Variants in SLC25A21 observed in about 807,000 individuals in gnomAD.
The protein encoded by SLC25A21 is mitochondrial 2-oxodicarboxylate carrier.
In SLC25A21, 47 loss-of-function variants were observed where a neutral mutation model predicts 43.8. The observed-to-expected ratio is 1.07, with a 90% confidence interval of 0.85 to 1.37. SLC25A21 has a LOEUF of 1.37. Among genes scored for constraint, SLC25A21 ranks in the 40% most tolerant of loss-of-function variants. The pLI is 0.00. For missense variants in SLC25A21, 352 were observed against 350.2 expected, an observed-to-expected ratio of 1.00 and a Z score of -0.04; for synonymous variants, 131 against 121.3, an observed-to-expected ratio of 1.08 and a Z score of -0.52.
At chr14:36,968,368 C>G (rs934555998) in intron 1 of SLC25A21, among the ~76,000 whole-genome samples, 1 of 152,142 alleles carries the variant, frequency 6.6e-6, no homozygotes. Flanking sequence ...TCAGTCATTC[C>G]TGACAAGCCC....
intron 1 of SLC25A21, among the ~76,000 whole-genome samples, chr14:36,881,822 T>C (rs991350270): frequency 7.9e-5 from 12 of 152,082 alleles, no homozygotes; most frequent in Non-Finnish European, 1.5e-4. Flanking sequence ...GTTTCAGCAA[T>C]AGGAGGAAGG....
At chr14:36,859,836 T>G (rs1890016354) in intron 2 of SLC25A21, among the ~76,000 whole-genome samples, 1 of 152,204 alleles carries the variant, frequency 6.6e-6, no homozygotes. Flanking sequence ...AAAACAGGCT[T>G]AGTGTGTTTG....
intron 3 of SLC25A21, among the ~76,000 whole-genome samples, chr14:36,804,137 T>C (rs1887958877): frequency 6.6e-6 from 1 of 152,142 alleles, no homozygotes. Context: ...CAAGATCAAT[T>C]TTTCTGGGGA....
intron 1 of SLC25A21, among the ~76,000 whole-genome samples, chr14:36,877,330 T>C (rs552483148): frequency 7.9e-4 from 121 of 152,324 alleles, no homozygotes; most frequent in African/African-American, 2.8e-3. Flanking sequence ...TATAAATCTG[T>C]TTACCTATTT....
Position 37,038,454 on chromosome 14 carries a change from A to G in SLC25A21, c.70+133827T>C, listed in dbSNP as rs547621673. 2.0e-5 allele frequency among the ~76,000 whole-genome samples: 3 copies of G among 152,350 alleles called. No homozygotes were observed. The East Asian group carries it at 5.8e-4, about 29-fold the overall frequency. On this transcript the variant is annotated intron_variant, in intron 1 of 9. Coordinates refer to ENST00000331299, the MANE Select transcript of SLC25A21 (RefSeq NM_030631.4). ...TTCTTAATTTCTAACTCCTCCAAAT[A>G]AAAACAGCAAAATGTGACATATTAT...
chr14:36,973,266 T>C (rs1167490531), intron 1 of SLC25A21, among the ~76,000 whole-genome samples: 2 of 151,798 alleles, frequency 1.3e-5, no homozygotes, highest in Admixed American at 6.6e-5. Flanking sequence ...GCAACTGTAG[T>C]AGGGGGATGG....
At chr14:37,060,397 AT>A (rs1961920960) in intron 1 of SLC25A21, among the ~76,000 whole-genome samples, 1 of 146,558 alleles carries the variant, frequency 6.8e-6, no homozygotes, top group Non-Finnish European at 1.5e-5. Context: ...AATAATAATA[AT>A]AATAATAATA....
intron 1 of SLC25A21, among the ~76,000 whole-genome samples, chr14:37,105,833 C>T (rs1962901193): frequency 6.6e-6 from 1 of 151,874 alleles, no homozygotes; most frequent in South Asian, 2.1e-4. Flanking sequence ...AAAATGCTTC[C>T]AAGATGAGGT....
chr14:37,033,995 T>C (rs749602660), intron 1 of SLC25A21, among the ~76,000 whole-genome samples: 10 of 151,102 alleles, frequency 6.6e-5, no homozygotes, highest in Non-Finnish European at 1.5e-4. Context: ...ACTATGATAT[T>C]CTGGGATTCT....
intron 1 of SLC25A21, among the ~76,000 whole-genome samples, chr14:37,056,755 T>C (rs1396374152): frequency 6.6e-6 from 1 of 152,170 alleles, no homozygotes; most frequent in Non-Finnish European, 1.5e-5. Context: ...AGATAATTTA[T>C]TTTTACATAC....
intron 7 of SLC25A21, among the ~76,000 whole-genome samples, chr14:36,689,555 A>T (rs1381171567): frequency 6.6e-6 from 1 of 152,198 alleles, no homozygotes; most frequent in African/African-American, 2.4e-5. Flanking sequence ...AGGAAGCCCT[A>T]ATTTCCACAG....
At chr14:36,965,819 T>C (rs887633002) in intron 1 of SLC25A21, among the ~76,000 whole-genome samples, 6 of 152,172 alleles carry the variant, frequency 3.9e-5, no homozygotes, top group African/African-American at 7.2e-5. Context: ...TTTGTGAATA[T>C]ACTTTGGTTT....
intron 1 of SLC25A21, among the ~76,000 whole-genome samples, chr14:36,912,362 A>G (rs112037170): frequency 6.2e-4 from 95 of 152,306 alleles, no homozygotes; most frequent in African/African-American, 2.2e-3. Context: ...CAGAGCAGGT[A>G]AGTGGCAGAG....
intron 1 of SLC25A21, among the ~76,000 whole-genome samples, chr14:37,132,065 C>T (rs1021383842): frequency 6.6e-6 from 1 of 152,138 alleles, no homozygotes. Context: ...CTGTTGAAGG[C>T]CTTCCTGCTG....
intron 2 of SLC25A21, among the ~76,000 whole-genome samples, chr14:36,843,994 C>A (rs1200846441): frequency 6.6e-6 from 1 of 152,032 alleles, no homozygotes; most frequent in Non-Finnish European, 1.5e-5. Context: ...TTGAATGTGA[C>A]CCCCCAAAAT....
At chr14:36,718,064 CAAAT>C (rs772067273) in intron 6 of SLC25A21, among the ~76,000 whole-genome samples, 25 of 151,926 alleles carry the variant, frequency 1.6e-4, no homozygotes, top group Non-Finnish European at 3.1e-4. Context: ...TTTTAAAAAT[CAAAT>C]AAAGGGAAAA....
chr14:37,168,031 G>A (rs1041578975), intron 1 of SLC25A21, among the ~76,000 whole-genome samples: 2 of 152,180 alleles, frequency 1.3e-5, no homozygotes, highest in Middle Eastern at 3.4e-3. Context: ...CTCGGTCTAG[G>A]CAGCAGGCAA....
At chr14:37,150,395 T>A (rs1963738549) in intron 1 of SLC25A21, among the ~76,000 whole-genome samples, 1 of 152,166 alleles carries the variant, frequency 6.6e-6, no homozygotes, top group Non-Finnish European at 1.5e-5. Flanking sequence ...ATTATACAAA[T>A]AAAAACAGTT....
intron 7 of SLC25A21, among the ~76,000 whole-genome samples, chr14:36,703,994 A>G (rs1057276609): frequency 2.0e-5 from 3 of 152,190 alleles, no homozygotes; most frequent in South Asian, 2.1e-4. Context: ...TCCATTTACT[A>G]CAAGATGTAA....
Sources: allele counts gnomAD v4.1 joint callset (sites outside exome capture counted in the v4.1 genomes callset), GRCh38; gene constraint gnomAD v4.1.1; transcripts MANE v1.5; gene names NCBI Gene and HGNC (gene_info 2026-07-23, HGNC 2026-07-21).